Variants in CTNND2 observed in about 807,000 individuals in gnomAD.
CTNND2 encodes catenin delta 2.
Under a neutral mutation model 144.4 loss-of-function variants are expected in CTNND2, and 22 were observed. The ratio of observed to expected loss-of-function variants is 0.15; its 90% CI spans 0.11 to 0.22. The LOEUF is 0.22. Ranked by LOEUF, CTNND2 falls within the 10% of genes least tolerant of loss-of-function variation. The pLI is 1.00. For missense variants in CTNND2, 1,353 were observed against 1,618.8 expected (o/e 0.84, Z 2.82); for synonymous variants, 751 against 695.6 (o/e 1.08, Z -1.25).
intron 2 of CTNND2, among the ~76,000 whole-genome samples, chr5:11,725,366 A>G (rs1786954716): frequency 6.6e-6 from 1 of 152,260 alleles, no homozygotes; most frequent in Non-Finnish European, 1.5e-5. Context: ...TATTTGGGTT[A>G]TTAGTGATTC....
At chr5:10,995,716 G>A (rs147596728) in intron 18 of CTNND2, among the ~76,000 whole-genome samples, 42 of 152,280 alleles carry the variant, frequency 2.8e-4, no homozygotes, top group African/African-American at 9.6e-4. Flanking sequence ...GGACATAGGA[G>A]AGAAAGGGAA....
At chr5:11,717,680 G>A (rs1234256676) in intron 2 of CTNND2, among the ~76,000 whole-genome samples, 3 of 152,110 alleles carry the variant, frequency 2.0e-5, no homozygotes, top group Non-Finnish European at 4.4e-5. Flanking sequence ...AATCATGGCA[G>A]AAGGCAAAGG....
chr5:11,798,471 C>T (rs901704942), intron 1 of CTNND2, among the ~76,000 whole-genome samples: 1 of 151,878 alleles, frequency 6.6e-6, no homozygotes, highest in African/African-American at 2.4e-5. Flanking sequence ...TCATTTTCTA[C>T]AAAAACAGAG....
Position 11,847,128 on chromosome 5 carries a change from TTATATATATATATATATATATA to T in CTNND2, c.37+56667_37+56688del, listed in dbSNP as rs56978156. On this transcript the variant is annotated intron_variant, in intron 1 of 21. Coordinates refer to ENST00000304623, the MANE Select transcript of CTNND2 (RefSeq NM_001332.4). Reference sequence around the variant, plus strand: ...AAATAAAATCAGTATGTCAAAGATTTTATATATATATATATATATATATATATATATATATATATATATATAT... The same window carrying T: ...AAATAAAATCAGTATGTCAAAGATTTTATATATATATATATATATATATAT... Among the ~76,000 whole-genome samples the T allele has an allele frequency of 1.8e-3, 129 of 72,412 alleles. 4 individuals are homozygous for T. The highest frequency in any genetic ancestry group is 5.2e-3 in the South Asian group (9 of 1,734). 47.5% of individuals were successfully genotyped at this position (72,412 alleles called of 152,430 possible).
At chr5:11,786,074 A>AC (rs1467163891) in intron 1 of CTNND2, among the ~76,000 whole-genome samples, 45 of 151,758 alleles carry the variant, frequency 3.0e-4, no homozygotes, top group African/African-American at 1.0e-3. Flanking sequence ...ATTCGACCAG[A>AC]CCCCCATTCT....
intron 1 of CTNND2, among the ~76,000 whole-genome samples, chr5:11,846,777 G>A (rs965524760): frequency 1.3e-5 from 2 of 151,618 alleles, no homozygotes; most frequent in Non-Finnish European, 1.5e-5. Context: ...ATTTTAAAAC[G>A]GGCAAAAGAC....
intron 11 of CTNND2, among the ~76,000 whole-genome samples, chr5:11,193,694 C>T (rs1052805439): frequency 6.6e-6 from 1 of 151,892 alleles, no homozygotes. Flanking sequence ...GCTTTCTTGA[C>T]AAATTACTTA....
intron 8 of CTNND2, among the ~76,000 whole-genome samples, chr5:11,353,843 T>G (rs1755595188): frequency 6.6e-6 from 1 of 152,136 alleles, no homozygotes. Context: ...TTCTTTGGCT[T>G]CTTCTTCAGA....
intron 14 of CTNND2, 103 bp downstream of exon 14, chr5:11,110,755 C>T: frequency 6.3e-6 from 7 of 1,118,768 alleles, no homozygotes; most frequent in South Asian, 1.8e-5. Context: ...GTGATTTTAC[C>T]TCCTGATGAA....
intron 7 of CTNND2, among the ~76,000 whole-genome samples, chr5:11,376,588 A>C (rs1757972023): frequency 6.6e-6 from 1 of 152,152 alleles, no homozygotes; most frequent in Admixed American, 6.6e-5. Context: ...TCAGACTGGC[A>C]GTCTTCCTTC....
chr5:11,230,369 A>T lies in CTNND2; in HGVS notation c.1761+6322T>A, dbSNP rs565717496. Among the ~76,000 whole-genome samples the T allele has an allele frequency of 2.1e-3, 5 of 2,430 alleles. No homozygotes were observed. The South Asian group carries it at 0.026, about 12-fold the overall frequency. The allele number at this position is 2,430 out of a possible 152,430, so 1.6% of individuals were successfully genotyped here. The stretch of plus-strand genomic sequence containing the variant: ...GTACCCTAAAACTTAAAGTATAATT[A>T]AAAAAAAAATCCGCAAAAGTTAGCA... On this transcript the variant is annotated intron_variant, in intron 10 of 21. Coordinates refer to ENST00000304623, the MANE Select transcript of CTNND2 (RefSeq NM_001332.4).
Position 11,159,611 on chromosome 5 carries a change from T to C in CTNND2, c.2124A>G (p.Ser708=), listed in dbSNP as rs574970146. The C allele has an allele frequency of 1.7e-5, 28 of 1,613,464 alleles. No individual in the cohort carries two copies. In the South Asian group the frequency reaches 2.1e-4, roughly 12 times the overall value. ...CGGTGGCGTTACGCAGCACCTGTGA[T>C]GAATGCAGCTGTATTTTCCGATCAT... is the stretch of plus-strand genomic sequence containing the variant. ...LQDDRKIQLH[S]SQVLRNATGC... is the part of the protein sequence containing the mutation. Residue 708 remains serine (S), a synonymous_variant, in exon 12 of 22, where the codon TCA becomes TCG. Coordinates refer to ENST00000304623, the MANE Select transcript of CTNND2 (RefSeq NM_001332.4).
intron 3 of CTNND2, among the ~76,000 whole-genome samples, chr5:11,536,185 TC>T (rs1178506983): frequency 6.6e-6 from 1 of 152,136 alleles, no homozygotes; most frequent in African/African-American, 2.4e-5. Context: ...CACTTCAGTC[TC>T]CCACGTATCT....
chr5:11,441,791 C>T (rs1255823614), intron 3 of CTNND2, among the ~76,000 whole-genome samples: 1 of 152,054 alleles, frequency 6.6e-6, no homozygotes, highest in African/African-American at 2.4e-5. Flanking sequence ...GGAAGTGCAT[C>T]CATCATACTG....
chr5:11,210,772 G>T (rs1453219173), intron 10 of CTNND2, among the ~76,000 whole-genome samples: 1 of 152,164 alleles, frequency 6.6e-6, no homozygotes, highest in African/African-American at 2.4e-5. Flanking sequence ...TGCCCACAAA[G>T]CTTTCATTTT....
chr5:11,360,404 T>C (rs550764488), intron 8 of CTNND2, among the ~76,000 whole-genome samples: 2 of 152,212 alleles, frequency 1.3e-5, no homozygotes, highest in Admixed American at 6.5e-5. Flanking sequence ...TTAGCCTTAG[T>C]GGTGTTTTGA....
rs1015996613 is a variant in CTNND2, at chr5:11,310,933, C to A, written c.1628+35439G>T. 2.8e-4 allele frequency among the ~76,000 whole-genome samples: 42 copies of A among 148,926 alleles called. 1 individual carries two copies. Among genetic ancestry groups the A allele is most frequent in the Non-Finnish European group, 5.1e-4 (34 of 67,078 alleles). On this transcript the variant is annotated intron_variant, in intron 9 of 21. Coordinates refer to ENST00000304623, the MANE Select transcript of CTNND2 (RefSeq NM_001332.4). ...ACACTCCCCATACACCCTCACCCCA[C>A]ATGCACTCACACTCCCTATGCACCC...
intron 14 of CTNND2, among the ~76,000 whole-genome samples, chr5:11,108,394 G>A (rs1054670767): frequency 1.3e-5 from 2 of 152,192 alleles, no homozygotes; most frequent in African/African-American, 2.4e-5. Context: ...AAACAGCACC[G>A]TGTATATCAC....
intron 2 of CTNND2, among the ~76,000 whole-genome samples, chr5:11,650,267 C>T (rs1310800863): frequency 6.6e-6 from 1 of 152,176 alleles, no homozygotes; most frequent in African/African-American, 2.4e-5. Context: ...GACATGCCTG[C>T]TTCACCTTCA....
Sources: allele counts gnomAD v4.1 joint callset (sites outside exome capture counted in the v4.1 genomes callset), GRCh38; gene constraint gnomAD v4.1.1; transcripts MANE v1.5; gene names NCBI Gene and HGNC (gene_info 2026-07-23, HGNC 2026-07-21).